The following DISC1 variants were observed in gnomAD, a reference collection of about 807,000 sequenced individuals.
DISC1 encodes the protein disrupted in schizophrenia 1 protein.
DISC1 carries 57 observed loss-of-function variants against 84.5 expected under a neutral mutation model. The ratio of observed to expected loss-of-function variants is 0.67; its 90% CI spans 0.55 to 0.84. DISC1 has a LOEUF of 0.84. DISC1 is among the 40% of genes least tolerant of loss of function. The probability of loss-of-function intolerance (pLI) is 0.00; values close to 1 mark genes in which losing one functional copy is unlikely to be tolerated. For missense variants in DISC1, 1,000 were observed against 1,057.8 expected, an observed-to-expected ratio of 0.95 and a Z score of 0.76; for synonymous variants, 411 against 415.2, an observed-to-expected ratio of 0.99 and a Z score of 0.12.
chr1:231,898,963 A>C (rs928980573), intron 9 of DISC1, among the ~76,000 whole-genome samples: 1 of 151,546 alleles, frequency 6.6e-6, no homozygotes, highest in African/African-American at 2.4e-5. Context: ...GAAACAAAAC[A>C]AAAAAAACCC....
At chr1:231,833,314 C>T (rs895403430) in intron 9 of DISC1, among the ~76,000 whole-genome samples, 4 of 151,328 alleles carry the variant, frequency 2.6e-5, no homozygotes, top group Non-Finnish European at 5.9e-5. Flanking sequence ...GTTATGGAGG[C>T]AAGGGAAACA....
chr1:231,917,873 C>CA (rs1289043680), intron 9 of DISC1, among the ~76,000 whole-genome samples: 3 of 152,230 alleles, frequency 2.0e-5, no homozygotes, highest in African/African-American at 7.2e-5. Context: ...CATGTTATCA[C>CA]ACTTTAGTTC....
At chr1:231,839,057 T>C (rs2082832620) in intron 9 of DISC1, among the ~76,000 whole-genome samples, 1 of 152,124 alleles carries the variant, frequency 6.6e-6, no homozygotes, top group Non-Finnish European at 1.5e-5. Context: ...ACAGCAGAGA[T>C]AAGGACAACC....
In DISC1 at chr1:231,872,701, A is replaced by G. The variant is rs150720862; in HGVS notation, c.1981+54184A>G. Reference sequence around the variant, plus strand: ...AAAAATCAACTGAGTTTTATTTTAAACCAATCCAGATGACAGGCACACAGT... The same window carrying G: ...AAAAATCAACTGAGTTTTATTTTAAGCCAATCCAGATGACAGGCACACAGT... On this transcript the variant is annotated intron_variant, in intron 9 of 12. Coordinates refer to ENST00000439617, the MANE Select transcript of DISC1 (RefSeq NM_018662.3). 4.8e-3 allele frequency among the ~76,000 whole-genome samples: 730 copies of G among 152,220 alleles called. 6 individuals carry two copies. The highest frequency in any genetic ancestry group is 0.017 in the African/African-American group (693 of 41,520).
intron 1 of DISC1, among the ~76,000 whole-genome samples, chr1:231,641,390 A>G (rs772324647): frequency 6.6e-6 from 1 of 152,072 alleles, no homozygotes; most frequent in Non-Finnish European, 1.5e-5. Context: ...ACAGCTCTTA[A>G]GGCGGCGCGT....
At chr1:231,777,661 A>G (rs1013647067) in intron 6 of DISC1, among the ~76,000 whole-genome samples, 44 of 152,350 alleles carry the variant, frequency 2.9e-4, no homozygotes, top group Non-Finnish European at 1.9e-4. Flanking sequence ...GCTTCCCTGC[A>G]TAGGCGACAT....
chr1:231,881,706 CTAACTAGTG>C, intron 9 of DISC1, among the ~76,000 whole-genome samples: 1 of 152,294 alleles, frequency 6.6e-6, no homozygotes, highest in African/African-American at 2.4e-5. Flanking sequence ...GCAGGTGACT[CTAACTAGTG>C]CCCATTTCGT....
At chr1:231,813,549 C>T (rs1275888417) in intron 8 of DISC1, among the ~76,000 whole-genome samples, 3 of 152,148 alleles carry the variant, frequency 2.0e-5, no homozygotes, top group Admixed American at 6.6e-5. Context: ...ATGGAAATTA[C>T]CGATCCGGGA....
Position 231,929,912 on chromosome 1 carries a change from G to A in DISC1, c.1982-28916G>A, listed in dbSNP as rs540101138. Among the ~76,000 whole-genome samples, 13 of 152,274 alleles carry A rather than the reference G, an allele frequency of 8.5e-5. No individual in the cohort carries two copies. The South Asian group carries it at 2.1e-3, about 24-fold the overall frequency. Reference sequence around the variant, plus strand: ...AGTAGTTAAGGGGTGAGGGATTGCAGGAGCTGCTCAAACCTGGCTGCTAAT... The same window carrying A: ...AGTAGTTAAGGGGTGAGGGATTGCAAGAGCTGCTCAAACCTGGCTGCTAAT... On this transcript the variant is annotated intron_variant, in intron 9 of 12. Coordinates refer to ENST00000439617, the MANE Select transcript of DISC1 (RefSeq NM_018662.3).
At position 231,694,665 on chromosome 1, in the gene DISC1, A is replaced by G. The variant is rs962641933; in HGVS notation, c.907A>G (p.Ser303Gly). Residue 303 changes from serine to glycine, a missense_variant, in exon 2 of 13, where the codon AGT becomes GGT. This residue lies in a region of DISC1 where 311 missense variants were observed against 400.1 expected (regional missense o/e 0.78). Coordinates refer to ENST00000439617, the MANE Select transcript of DISC1 (RefSeq NM_018662.3). ...ACCAGACATGGACCCTGGCTCCTCC[A>G]GTTCTCTGGATCCCTCACTGGCTGG... is the stretch of plus-strand genomic sequence containing the variant. ...SLPDMDPGSS[S>G]SLDPSLAGCG... 1 of 1,614,228 alleles carries G rather than the reference A, an allele frequency of 6.2e-7. No homozygotes were observed. Among genetic ancestry groups the G allele is most frequent in the South Asian group, 1.1e-5 (1 of 91,088 alleles).
intron 4 of DISC1, among the ~76,000 whole-genome samples, chr1:231,763,904 G>A (rs1214696091): frequency 6.6e-6 from 1 of 152,226 alleles, no homozygotes; most frequent in Non-Finnish European, 1.5e-5. Context: ...TTTTCTGAAT[G>A]AATGAATGAA....
At chr1:231,714,911 G>A (rs1040075897) in intron 3 of DISC1, among the ~76,000 whole-genome samples, 1 of 152,222 alleles carries the variant, frequency 6.6e-6, no homozygotes, top group African/African-American at 2.4e-5. Flanking sequence ...TCTTCAAGGG[G>A]AGAAGAATTA....
chr1:232,000,122 A>AC, intron 10 of DISC1, among the ~76,000 whole-genome samples: 1 of 152,234 alleles, frequency 6.6e-6, no homozygotes, highest in East Asian at 1.9e-4. Context: ...AAGAGAATCA[A>AC]CCGATACCAG....
chr1:231,628,158 C>T (rs920554557), intron 1 of DISC1, among the ~76,000 whole-genome samples: 3 of 152,180 alleles, frequency 2.0e-5, no homozygotes, highest in African/African-American at 7.2e-5. Flanking sequence ...TTTAAAAACA[C>T]ATGTAGTTCT....
intron 1 of DISC1, among the ~76,000 whole-genome samples, chr1:231,645,733 A>G (rs1409278096): frequency 3.9e-5 from 6 of 152,012 alleles, no homozygotes; most frequent in Admixed American, 6.5e-5. Flanking sequence ...TCATTGCTCA[A>G]TTCCCACCTA....
intron 11 of DISC1, among the ~76,000 whole-genome samples, chr1:232,018,342 A>G (rs957198835): frequency 2.0e-5 from 3 of 152,198 alleles, no homozygotes; most frequent in African/African-American, 7.2e-5. Flanking sequence ...GAAAGACTTA[A>G]GCCTTGTTTA....
chr1:231,734,008 T>C (rs2125212336), intron 3 of DISC1, among the ~76,000 whole-genome samples: 1 of 151,762 alleles, frequency 6.6e-6, no homozygotes, highest in South Asian at 2.1e-4. Context: ...GTGGTGGTGG[T>C]GGCCGTATTG....
chr1:231,813,108 G>C (rs2080483971), intron 8 of DISC1: 1 of 152,186 alleles, frequency 6.6e-6, no homozygotes, highest in Admixed American at 6.5e-5. Context: ...TCTCGAGCTT[G>C]CAGTGGGTTG....
chr1:231,667,924 G>A (rs982974175), intron 1 of DISC1, among the ~76,000 whole-genome samples: 3 of 151,950 alleles, frequency 2.0e-5, no homozygotes, highest in Non-Finnish European at 2.9e-5. Context: ...GGCGTGGTGG[G>A]GGGTGCCTGT....
Sources: gnomAD v4.1 joint callset for allele counts (sites outside exome capture counted in the v4.1 genomes callset) on GRCh38, gnomAD v4.1.1 for gene constraint, gnomAD v4.1.1 regional missense constraint, MANE v1.5 for transcripts, NCBI Gene and HGNC (gene_info 2026-07-23, HGNC 2026-07-21) for gene names.